SLC35F3: variants seen among roughly 807,000 people sequenced by gnomAD.
SLC35F3 encodes the protein putative thiamine transporter SLC35F3.
SLC35F3 carries 25 observed loss-of-function variants against 49.9 expected under a neutral mutation model. The observed-to-expected ratio is 0.50, with a 90% CI of 0.37 to 0.70. SLC35F3 has a LOEUF of 0.70. Among genes scored for constraint, SLC35F3 ranks in the 30% least tolerant of loss-of-function variants. SLC35F3 has a pLI of 0.00. For missense variants in SLC35F3, 525 were observed against 639.8 expected (o/e 0.82, Z 1.94); for synonymous variants, 275 against 265.4 (o/e 1.04, Z -0.35).
intron 2 of SLC35F3, among the ~76,000 whole-genome samples, chr1:234,062,302 T>G (rs1194401156): frequency 6.6e-6 from 1 of 152,198 alleles, no homozygotes; most frequent in African/African-American, 2.4e-5. Context: ...ATGACAGTGG[T>G]GTTGGCAAAG....
At chr1:234,281,018 C>T (rs1668316613) in intron 3 of SLC35F3, among the ~76,000 whole-genome samples, 1 of 152,158 alleles carries the variant, frequency 6.6e-6, no homozygotes, top group South Asian at 2.1e-4. Context: ...AGGCGGGAGT[C>T]AGCCAAGGGC....
chr1:234,309,105 T>G lies in SLC35F3; in HGVS notation c.613T>G (p.Cys205Gly). Reference protein sequence around the residue: ...KQSVKQRYRECCRFFGDNGLT... With the variant: ...KQSVKQRYREGCRFFGDNGLT... ...GCCTCTCTTTCCTTGTTTTAGGGAATGCTGTCGATTTTTTGGAGACAATGG... is the reference window on the plus strand; with the variant it reads ...GCCTCTCTTTCCTTGTTTTAGGGAAGGCTGTCGATTTTTTGGAGACAATGG... The change falls in exon 4 of 8, where the codon TGC becomes GGC. Residue 205 changes from cysteine to glycine, a missense_variant. Transcript: ENST00000366618. 1 of 1,613,914 alleles carries G rather than the reference T, an allele frequency of 6.2e-7. No individual in the cohort carries two copies.
intron 2 of SLC35F3, among the ~76,000 whole-genome samples, chr1:234,062,921 C>A (rs2102863586): frequency 6.6e-6 from 1 of 151,162 alleles, no homozygotes; most frequent in Admixed American, 6.6e-5. Flanking sequence ...GAACTCCTGA[C>A]CTTGTGATCC....
chr1:234,125,877 G>T (rs1487686771), intron 2 of SLC35F3, among the ~76,000 whole-genome samples: 2 of 152,144 alleles, frequency 1.3e-5, no homozygotes, highest in Non-Finnish European at 2.9e-5. Context: ...TAGTGACTCA[G>T]AACCACTTAG....
intron 3 of SLC35F3, among the ~76,000 whole-genome samples, chr1:234,306,822 G>A (rs1657206181): frequency 6.6e-6 from 1 of 152,210 alleles, no homozygotes; most frequent in Non-Finnish European, 1.5e-5. Context: ...GATTTTCAAA[G>A]AGGAAGTAGG....
At chr1:233,974,174 CTTTTTTTTT>C (rs757673463) in intron 2 of SLC35F3, among the ~76,000 whole-genome samples, 8 of 83,096 alleles carry the variant, frequency 9.6e-5, no homozygotes, top group East Asian at 4.2e-4. Flanking sequence ...ATTTCTATTT[CTTTTTTTTT>C]TTTTTTTTTT....
intron 2 of SLC35F3, among the ~76,000 whole-genome samples, chr1:234,023,778 A>G (rs1663936308): frequency 6.6e-6 from 1 of 152,002 alleles, no homozygotes; most frequent in African/African-American, 2.4e-5. Context: ...CTTTACCTCC[A>G]TGGTCTTCTT....
intron 2 of SLC35F3, among the ~76,000 whole-genome samples, chr1:234,178,471 A>G (rs1259115853): frequency 2.6e-5 from 4 of 152,030 alleles, no homozygotes; most frequent in Non-Finnish European, 5.9e-5. Context: ...GAAAAAAAAA[A>G]AAAAGACTTT....
chr1:233,919,779 T>G (rs2102786850), intron 2 of SLC35F3, among the ~76,000 whole-genome samples: 1 of 152,232 alleles, frequency 6.6e-6, no homozygotes, highest in Non-Finnish European at 1.5e-5. Flanking sequence ...TAGGGTGAGG[T>G]CACAGGGCGG....
chr1:234,171,429 T>C (rs1572079913), intron 2 of SLC35F3, among the ~76,000 whole-genome samples: 2 of 152,230 alleles, frequency 1.3e-5, no homozygotes, highest in African/African-American at 2.4e-5. Context: ...CTGGCACATG[T>C]TGAGATAGAT....
intron 2 of SLC35F3, among the ~76,000 whole-genome samples, chr1:234,105,214 G>A (rs1665267726): frequency 6.6e-6 from 1 of 151,966 alleles, no homozygotes; most frequent in African/African-American, 2.4e-5. Flanking sequence ...CCACGAAAAG[G>A]AATATTCTCC....
At chr1:234,312,527 C>T in intron 4 of SLC35F3, among the ~76,000 whole-genome samples, 1 of 152,180 alleles carries the variant, frequency 6.6e-6, no homozygotes, top group East Asian at 1.9e-4. Flanking sequence ...GGGGGGCTGC[C>T]CTCTGCAACC....
chr1:233,970,472 C>G (rs1226064128), intron 2 of SLC35F3, among the ~76,000 whole-genome samples: 1 of 152,168 alleles, frequency 6.6e-6, no homozygotes, highest in Admixed American at 6.5e-5. Flanking sequence ...GTGAATGTAT[C>G]TTGCATGAGG....
At chr1:234,139,502 T>C (rs145256085) in intron 2 of SLC35F3, among the ~76,000 whole-genome samples, 2 of 152,350 alleles carry the variant, frequency 1.3e-5, no homozygotes, top group East Asian at 1.9e-4. Context: ...GACACACTTA[T>C]AGTTTTTATA....
intron 2 of SLC35F3, among the ~76,000 whole-genome samples, chr1:234,202,774 C>G (rs1285401685): frequency 1.3e-5 from 2 of 152,194 alleles, no homozygotes; most frequent in Admixed American, 1.3e-4. Flanking sequence ...TCTTCACTCA[C>G]ACATACTCAA....
At chr1:234,165,275 G>C (rs1666297037) in intron 2 of SLC35F3, among the ~76,000 whole-genome samples, 1 of 152,020 alleles carries the variant, frequency 6.6e-6, no homozygotes, top group South Asian at 2.1e-4. Flanking sequence ...CAGCAAAGGA[G>C]TTTATTTAAC....
At chr1:233,974,302 C>T (rs1572004411) in intron 2 of SLC35F3, among the ~76,000 whole-genome samples, 2 of 150,786 alleles carry the variant, frequency 1.3e-5, no homozygotes, top group African/African-American at 2.4e-5. Flanking sequence ...CTCCTTCCTC[C>T]GCCTCCTGAG....
chr1:234,063,013 CT>C (rs1226172937), intron 2 of SLC35F3, among the ~76,000 whole-genome samples: 1 of 151,964 alleles, frequency 6.6e-6, no homozygotes, highest in Non-Finnish European at 1.5e-5. Context: ...AATCAAGGTT[CT>C]GTGTGTGGAG....
At chr1:234,140,702 T>C (rs561072982) in intron 2 of SLC35F3, among the ~76,000 whole-genome samples, 1 of 152,256 alleles carries the variant, frequency 6.6e-6, no homozygotes, top group South Asian at 2.1e-4. Context: ...CAATGGAAAC[T>C]ATGCGATGTA....
Sources: gnomAD v4.1 joint callset for allele counts (sites outside exome capture counted in the v4.1 genomes callset) on GRCh38, gnomAD v4.1.1 for gene constraint, MANE v1.5 for transcripts, NCBI Gene and HGNC (gene_info 2026-07-23, HGNC 2026-07-21) for gene names.